Variants in ULK2 observed in about 807,000 individuals in gnomAD.
The protein encoded by ULK2 is unc-51 like autophagy activating kinase 2.
ULK2 carries 76 observed loss-of-function variants against 127.5 expected under a neutral mutation model. The ratio of observed to expected loss-of-function variants is 0.60; its 90% confidence interval spans 0.50 to 0.72. The LOEUF (loss-of-function observed/expected upper bound fraction) is 0.72. Among genes scored for constraint, ULK2 ranks in the 30% least tolerant of loss-of-function variants. The pLI, the probability that ULK2 is intolerant of heterozygous loss-of-function variation, is 0.00. For missense variants in ULK2, 1,144 were observed against 1,295.9 expected, an observed-to-expected ratio of 0.88 and a Z score of 1.80; for synonymous variants, 452 against 461.9, an observed-to-expected ratio of 0.98 and a Z score of 0.28.
At chr17:19,836,376 T>G (rs1345828013) in intron 10 of ULK2, among the ~76,000 whole-genome samples, 2 of 151,534 alleles carry the variant, frequency 1.3e-5, no homozygotes, top group African/African-American at 2.4e-5. Flanking sequence ...GCCACTGCAC[T>G]CCAGCCTGGG....
At chr17:19,856,090 G>A (rs951089763) in intron 3 of ULK2, 37 of 151,976 alleles carry the variant, frequency 2.4e-4, no homozygotes, top group African/African-American at 8.0e-4. Flanking sequence ...TTACACCTAC[G>A]TATCTACCCT....
intron 3 of ULK2, among the ~76,000 whole-genome samples, chr17:19,861,354 G>A (rs900480413): frequency 1.2e-4 from 19 of 152,260 alleles, no homozygotes; most frequent in African/African-American, 4.6e-4. Flanking sequence ...AGACCATCCT[G>A]ATTAACAAGG....
intron 10 of ULK2, among the ~76,000 whole-genome samples, chr17:19,832,078 AGATGACGCCACTGCACTCCAGCGTTGGT>A (rs2041467083): frequency 6.6e-6 from 1 of 151,936 alleles, no homozygotes; most frequent in Admixed American, 6.6e-5. Context: ...CAGTGAGCCA[AGATGACGCCACTGCACTCCAGCGTTGGT>A]GACAGAGCAA....
In ULK2 at chr17:19,795,703, A is replaced by G. The variant is rs2087253626; in HGVS notation, c.2020T>C (p.Ser674Pro). 1 of 1,614,070 alleles carries G rather than the reference A, an allele frequency of 6.2e-7. No individual in the cohort carries two copies. The highest frequency in any genetic ancestry group is 8.5e-7 in the Non-Finnish European group (1 of 1,179,974). ...FGRSVSTGKL[S>P]DQQGKTPICR... is the part of the protein sequence containing the mutation. ...ATAGGAGTCTTTCCTTGTTGATCTG[A>G]TAACTTCCCGGTACTGACAGATCTA... Residue 674 changes from serine to proline, a missense_variant, in exon 20 of 27, where the codon TCA (serine) becomes CCA (proline). Transcript: ENST00000395544.
chr17:19,831,817 ACT>A (rs1386678407), intron 10 of ULK2, among the ~76,000 whole-genome samples: 1 of 151,702 alleles, frequency 6.6e-6, no homozygotes, highest in Non-Finnish European at 1.5e-5. Flanking sequence ...ACAGAGCAAG[ACT>A]CTGTCTCAAA....
In ULK2 at chr17:19,849,385, G is replaced by A. The variant is rs568320500; in HGVS notation, c.279C>T (p.Leu93=). 3.1e-6 allele frequency: 5 copies of A among 1,608,658 alleles called. No individual in the cohort carries two copies. The highest frequency in any genetic ancestry group is 2.2e-5 in the South Asian group (2 of 90,026). ...CACAGTTACCTTGCAAATAATCTGCGAGGTCTCCACCATTGCAATACTGAC... is the reference window on the plus strand; with the variant it reads ...CACAGTTACCTTGCAAATAATCTGCAAGGTCTCCACCATTGCAATACTGAC... ...LVMEYCNGGD[L]ADYLQAKGTL... is the part of the protein sequence containing the mutation. The change falls in exon 5 of 27, where the codon CTC becomes CTT. Residue 93 remains leucine (L), a synonymous_variant. Transcript: ENST00000395544.
chr17:19,813,937 T>C (rs541448830), intron 13 of ULK2, among the ~76,000 whole-genome samples: 1 of 152,276 alleles, frequency 6.6e-6, no homozygotes, highest in African/African-American at 2.4e-5. Flanking sequence ...CATAAACTTA[T>C]TGAGCTGAAA....
intron 15 of ULK2, among the ~76,000 whole-genome samples, chr17:19,802,696 G>A (rs1376547284): frequency 6.6e-6 from 1 of 152,132 alleles, no homozygotes; most frequent in Non-Finnish European, 1.5e-5. Context: ...ACGTTTCTTT[G>A]ATACTACACC....
chr17:19,777,164 G>A (rs1158490922), intron 26 of ULK2, among the ~76,000 whole-genome samples: 1 of 152,170 alleles, frequency 6.6e-6, no homozygotes, highest in African/African-American at 2.4e-5. Context: ...GAGTGCAGTG[G>A]CACAATCTCA....
intron 3 of ULK2, among the ~76,000 whole-genome samples, chr17:19,863,438 G>A (rs1227790265): frequency 2.6e-5 from 4 of 151,640 alleles, no homozygotes; most frequent in Non-Finnish European, 5.9e-5. Context: ...TATTCCCTCT[G>A]GGAGTCTCAG....
rs983476860 is a variant in ULK2 at position 19,774,611 on chromosome 17, T to C, written c.*1738A>G. 6.6e-6 allele frequency: 1 copy of C among 152,228 alleles called. No homozygotes were observed. The highest frequency in any genetic ancestry group is 6.5e-5 in the Admixed American group (1 of 15,280). 9.4% of individuals were successfully genotyped at this position (152,228 alleles called of 1,614,324 possible). A position where few individuals can be genotyped will look rare whatever the true frequency, so the allele number is the denominator to read the frequency against. The stretch of plus-strand genomic sequence containing the variant: ...GTGGAGGTAAAACAGTCTATGTTCC[T>C]GGAAGCCTGCATGACAGTAGCCAAG... On this transcript the variant is annotated 3_prime_UTR_variant, in exon 27 of 27. Coordinates refer to ENST00000395544, the MANE Select transcript of ULK2 (RefSeq NM_014683.4).
Position 19,810,413 on chromosome 17 carries a change from GC to G in ULK2, c.1121del (p.Gly374AlafsTer34). ...HSCDMPVGTA[G>X]RRASNEFLVC... is the part of the protein sequence containing the mutation. ...CCAAGAATTCATTTGAAGCACGTCT[GC>G]CAGCAGTCCCCACTGGCATATCACC... On this transcript the variant is annotated frameshift_variant, in exon 14 of 27. Coordinates refer to ENST00000395544, the MANE Select transcript of ULK2 (RefSeq NM_014683.4). LOFTEE classifies it high-confidence loss of function. 1 of 1,607,556 alleles carries G rather than the reference GC, an allele frequency of 6.2e-7. No individual in the cohort carries two copies. Among genetic ancestry groups the G allele is most frequent in the Non-Finnish European group, 8.5e-7 (1 of 1,174,986 alleles).
At chr17:19,863,496 GTTT>G (rs774471418) in intron 3 of ULK2, among the ~76,000 whole-genome samples, 1 of 131,862 alleles carries the variant, frequency 7.6e-6, no homozygotes, top group Admixed American at 7.8e-5. Flanking sequence ...TGTGATTCTA[GTTT>G]TTTTTTTTTT....
chr17:19,786,570 C>T (rs1018903087), intron 20 of ULK2, among the ~76,000 whole-genome samples: 56 of 151,834 alleles, frequency 3.7e-4, no homozygotes, highest in African/African-American at 1.2e-3. Context: ...AAAACTTTGC[C>T]GGGCATGGTG....
intron 10 of ULK2, 67 bp downstream of exon 10, chr17:19,838,410 CTTTAATTTTCTGAAATCTCTAGTT>C (rs2041650399): frequency 8.6e-7 from 1 of 1,163,428 alleles, no homozygotes; most frequent in Admixed American, 2.6e-5. Flanking sequence ...GTGAAACTGA[CTTTAATTTTCTGAAATCTCTAGTT>C]TTTAAATCTT....
chr17:19,832,265 T>C (rs1160477340), intron 10 of ULK2, among the ~76,000 whole-genome samples: 1 of 150,430 alleles, frequency 6.6e-6, no homozygotes, highest in Non-Finnish European at 1.5e-5. Context: ...TGAAACATTT[T>C]CTTTTTTTTT....
intron 23 of ULK2, 45 bp from the exon 24 acceptor site, chr17:19,781,149 G>T: frequency 6.4e-7 from 1 of 1,552,474 alleles, no homozygotes; most frequent in African/African-American, 1.4e-5. Context: ...GTGAACTAAT[G>T]TAAGATGTGG....
chr17:19,849,394 A>C lies in ULK2; in HGVS notation c.270T>G (p.Gly90=), dbSNP rs1367793999. Residue 90 remains glycine, a synonymous_variant, in exon 5 of 27, where the codon GGT becomes GGG. Coordinates refer to ENST00000395544, the MANE Select transcript of ULK2 (RefSeq NM_014683.4). ...CTTGCAAATAATCTGCGAGGTCTCC[A>C]CCATTGCAATACTGACATAGAAAAG... ...SVFLVMEYCN[G]GDLADYLQAK... 6.2e-7 allele frequency: 1 copy of C among 1,608,242 alleles called. No individual in the cohort carries two copies. Among genetic ancestry groups the C allele is most frequent in the South Asian group, 1.1e-5 (1 of 89,982 alleles).
intron 20 of ULK2, among the ~76,000 whole-genome samples, chr17:19,794,222 C>T (rs2087216560): frequency 6.6e-6 from 1 of 152,050 alleles, no homozygotes; most frequent in Non-Finnish European, 1.5e-5. Flanking sequence ...AAAGAACAGA[C>T]TAAGAACAAT....
Sources: gnomAD v4.1 joint callset for allele counts (sites outside exome capture counted in the v4.1 genomes callset) on GRCh38, gnomAD v4.1.1 for gene constraint, MANE v1.5 for transcripts, NCBI Gene and HGNC (gene_info 2026-07-23, HGNC 2026-07-21) for gene names.